Variants in PTPRK observed in about 807,000 individuals in gnomAD.
The protein encoded by PTPRK is receptor-type tyrosine-protein phosphatase kappa.
A neutral mutation model predicts 178.0 loss-of-function variants in PTPRK; 75 were observed. The observed-to-expected ratio is 0.42, with a 90% CI of 0.35 to 0.51. PTPRK has a LOEUF of 0.51. Ranked by LOEUF, PTPRK falls within the 20% of genes least tolerant of loss-of-function variation. The pLI, the probability that PTPRK is intolerant of heterozygous loss-of-function variation, is 0.02. For missense variants in PTPRK, 1,441 were observed against 1,797.8 expected, an observed-to-expected ratio of 0.80 and a Z score of 3.59; for synonymous variants, 637 against 620.6, an observed-to-expected ratio of 1.03 and a Z score of -0.39.
chr6:128,223,541 C>T (rs970382124), intron 5 of PTPRK, among the ~76,000 whole-genome samples: 1 of 151,788 alleles, frequency 6.6e-6, no homozygotes, highest in African/African-American at 2.4e-5. Flanking sequence ...AATACATATG[C>T]TTATATAGGA....
At chr6:128,158,446 C>T (rs1298967264) in intron 7 of PTPRK, among the ~76,000 whole-genome samples, 1 of 151,794 alleles carries the variant, frequency 6.6e-6, no homozygotes, top group East Asian at 1.9e-4. Flanking sequence ...GAAATGACAA[C>T]TTTTTAAGTG....
At chr6:128,454,677 A>C (rs976241562) in intron 1 of PTPRK, among the ~76,000 whole-genome samples, 34 of 152,140 alleles carry the variant, frequency 2.2e-4, no homozygotes, top group African/African-American at 8.2e-4. Context: ...CTAATAAAAA[A>C]TGTTATATTT....
chr6:128,413,346 C>A (rs949529688), intron 1 of PTPRK, among the ~76,000 whole-genome samples: 1 of 151,844 alleles, frequency 6.6e-6, no homozygotes, highest in African/African-American at 2.4e-5. Flanking sequence ...TCAAGGAAAA[C>A]GCAGAGCTCT....
intron 15 of PTPRK, among the ~76,000 whole-genome samples, chr6:128,004,041 C>A (rs1778148823): frequency 6.6e-6 from 1 of 151,850 alleles, no homozygotes; most frequent in African/African-American, 2.4e-5. Context: ...TCTTTACATA[C>A]AAGCATACAA....
intron 2 of PTPRK, among the ~76,000 whole-genome samples, chr6:128,352,367 C>T (rs1189058905): frequency 6.6e-6 from 1 of 150,444 alleles, no homozygotes; most frequent in East Asian, 2.0e-4. Context: ...ATATTAAGTG[C>T]TTTAGTTGCA....
chr6:128,266,109 T>A (rs1372263221), intron 3 of PTPRK, among the ~76,000 whole-genome samples: 1 of 152,150 alleles, frequency 6.6e-6, no homozygotes, highest in Non-Finnish European at 1.5e-5. Flanking sequence ...ATCCAGTTTA[T>A]GGCATTTTGC....
In PTPRK at chr6:128,443,108, A is replaced by G. The variant is rs79496385; in HGVS notation, c.101-45420T>C. 3.0e-3 allele frequency among the ~76,000 whole-genome samples: 453 copies of G among 152,312 alleles called. 2 individuals are homozygous for G. The highest frequency in any genetic ancestry group is 5.4e-3 in the Non-Finnish European group (368 of 68,026). On this transcript the variant is annotated intron_variant, in intron 1 of 29. Coordinates refer to ENST00000368226, the MANE Select transcript of PTPRK (RefSeq NM_002844.4). ...CACAAAAAAAAAACCAAAAACAATA[A>G]GATTAATTATTTAAAATGGTAGCAG...
chr6:128,361,165 A>G (rs905748626), intron 2 of PTPRK, among the ~76,000 whole-genome samples: 17 of 152,132 alleles, frequency 1.1e-4, no homozygotes, highest in African/African-American at 4.1e-4. Context: ...CAATTTACAA[A>G]CTCTATACTT....
intron 12 of PTPRK, 69 bp downstream of exon 12, chr6:128,067,450 A>G: frequency 1.4e-6 from 2 of 1,388,034 alleles, no homozygotes; most frequent in Non-Finnish European, 1.9e-6. Context: ...GATGCTACTG[A>G]GTATTCATAA....
At chr6:128,376,774 T>C (rs112867318) in intron 2 of PTPRK, among the ~76,000 whole-genome samples, 3,729 of 152,282 alleles carry the variant, frequency 0.024, 143 homozygotes, top group African/African-American at 0.084. Flanking sequence ...CTCAGAAATT[T>C]CTTTCACCAG....
At chr6:128,453,846 G>T (rs1366845755) in intron 1 of PTPRK, among the ~76,000 whole-genome samples, 1 of 152,116 alleles carries the variant, frequency 6.6e-6, no homozygotes. Flanking sequence ...AACTTAGTAT[G>T]CTGAAAACTG....
At chr6:128,345,742 T>C (rs193294663) in intron 2 of PTPRK, among the ~76,000 whole-genome samples, 5 of 152,318 alleles carry the variant, frequency 3.3e-5, no homozygotes, top group Non-Finnish European at 5.9e-5. Context: ...AAGGAGAATA[T>C]ATACTACATG....
chr6:127,971,799 A>C (rs1248693372), intron 29 of PTPRK, among the ~76,000 whole-genome samples: 1 of 152,178 alleles, frequency 6.6e-6, no homozygotes, highest in Non-Finnish European at 1.5e-5. Context: ...AAATGATCCC[A>C]CTGATGATTT....
chr6:127,977,259 G>A (rs1418301068), intron 25 of PTPRK, among the ~76,000 whole-genome samples: 1 of 152,202 alleles, frequency 6.6e-6, no homozygotes, highest in Non-Finnish European at 1.5e-5. Flanking sequence ...AATCAATTTG[G>A]TGGAAGACTT....
At chr6:128,385,173 TC>T (rs1227654825) in intron 2 of PTPRK, among the ~76,000 whole-genome samples, 1 of 151,276 alleles carries the variant, frequency 6.6e-6, no homozygotes, top group African/African-American at 2.4e-5. Context: ...GTGACCAATC[TC>T]CTGTGATAAC....
chr6:128,186,028 AAT>A (rs1203355908), intron 6 of PTPRK, among the ~76,000 whole-genome samples: 3 of 152,102 alleles, frequency 2.0e-5, no homozygotes, highest in Non-Finnish European at 4.4e-5. Context: ...TAAAATTAGG[AAT>A]AAGATTATCT....
chr6:128,032,607 G>A (rs185107753), intron 13 of PTPRK, among the ~76,000 whole-genome samples: 36 of 152,282 alleles, frequency 2.4e-4, no homozygotes, highest in African/African-American at 6.0e-4. Context: ...CATCGCATAT[G>A]AACTGTCAAC....
intron 19 of PTPRK, among the ~76,000 whole-genome samples, chr6:127,992,217 T>C (rs1283079171): frequency 2.6e-5 from 4 of 151,800 alleles, no homozygotes; most frequent in African/African-American, 9.7e-5. Context: ...CTTGACTAAA[T>C]TCCATCTCTT....
At chr6:128,448,738 C>T (rs776886958) in intron 1 of PTPRK, among the ~76,000 whole-genome samples, 1 of 152,118 alleles carries the variant, frequency 6.6e-6, no homozygotes, top group Non-Finnish European at 1.5e-5. Context: ...ACTAGCCAAG[C>T]AGAGCATTTA....
Sources: gnomAD v4.1 joint callset for allele counts (sites outside exome capture counted in the v4.1 genomes callset) on GRCh38, gnomAD v4.1.1 for gene constraint, MANE v1.5 for transcripts, NCBI Gene and HGNC (gene_info 2026-07-23, HGNC 2026-07-21) for gene names.